CHD7: variants seen among roughly 807,000 people sequenced by gnomAD.
CHD7 encodes the protein ATP-dependent chromatin remodeler CHD7.
A neutral mutation model predicts 307.3 loss-of-function variants in CHD7; 24 were observed. The observed-to-expected ratio is 0.08, with a 90% CI of 0.06 to 0.11. The LOEUF (loss-of-function observed/expected upper bound fraction) is 0.11, where lower values mean the gene tolerates loss of function less well. Among genes scored for constraint, CHD7 ranks in the 10% least tolerant of loss-of-function variants. The probability of loss-of-function intolerance (pLI) is 1.00; values close to 1 mark genes in which losing one functional copy is unlikely to be tolerated. For missense variants in CHD7, 3,106 were observed against 3,727.1 expected, an observed-to-expected ratio of 0.83 and a Z score of 4.34; for synonymous variants, 1,363 against 1,349.9, an observed-to-expected ratio of 1.01 and a Z score of -0.21.
At chr8:60,711,392 C>T (rs562186936) in intron 1 of CHD7, among the ~76,000 whole-genome samples, 5 of 152,210 alleles carry the variant, frequency 3.3e-5, no homozygotes, top group African/African-American at 9.6e-5. Flanking sequence ...TACAGCTTGG[C>T]GGCCTACTGA....
At chr8:60,777,675 A>G (rs1052313126) in intron 2 of CHD7, among the ~76,000 whole-genome samples, 1 of 152,170 alleles carries the variant, frequency 6.6e-6, no homozygotes, top group Non-Finnish European at 1.5e-5. Context: ...TTTCTGATTT[A>G]TATGTTGTGA....
chr8:60,719,721 G>A (rs1298717608), intron 1 of CHD7, among the ~76,000 whole-genome samples: 4 of 152,140 alleles, frequency 2.6e-5, no homozygotes, highest in Non-Finnish European at 5.9e-5. Context: ...TCCAGTGAGC[G>A]CTGTGAAGGA....
chr8:60,789,283 G>C (rs1811656739), intron 3 of CHD7, among the ~76,000 whole-genome samples: 1 of 152,104 alleles, frequency 6.6e-6, no homozygotes, highest in African/African-American at 2.4e-5. Flanking sequence ...TTATCCATTA[G>C]GTTCATTTCT....
intron 2 of CHD7, among the ~76,000 whole-genome samples, chr8:60,748,230 G>A (rs1364536146): frequency 1.3e-5 from 2 of 152,184 alleles, no homozygotes; most frequent in East Asian, 1.9e-4. Flanking sequence ...TCTGGGGGCA[G>A]TGATGTCTTT....
At chr8:60,849,278 C>G in intron 25 of CHD7, 124 bp downstream of exon 25, 1 of 548,510 alleles carries the variant, frequency 1.8e-6, no homozygotes, top group Non-Finnish European at 3.2e-6. Flanking sequence ...CTCTTGGCGT[C>G]TACCATTTTT....
chr8:60,840,972 A>C (rs1340283816), intron 19 of CHD7, among the ~76,000 whole-genome samples: 1 of 152,156 alleles, frequency 6.6e-6, no homozygotes, highest in Non-Finnish European at 1.5e-5. Context: ...TTTCTTCTGT[A>C]AATTATTACA....
At chr8:60,718,285 T>C (rs1282275648) in intron 1 of CHD7, among the ~76,000 whole-genome samples, 1 of 152,200 alleles carries the variant, frequency 6.6e-6, no homozygotes, top group Non-Finnish European at 1.5e-5. Context: ...GAGACCAGCC[T>C]GGCCAACATG....
intron 3 of CHD7, among the ~76,000 whole-genome samples, chr8:60,790,332 C>T (rs1192081925): frequency 6.6e-6 from 1 of 152,142 alleles, no homozygotes; most frequent in African/African-American, 2.4e-5. Context: ...CTTCTCTAGC[C>T]TCAGGAGGGA....
chr8:60,813,913 G>C (rs575851186), intron 7 of CHD7, among the ~76,000 whole-genome samples: 2 of 151,958 alleles, frequency 1.3e-5, no homozygotes, highest in African/African-American at 4.8e-5. Context: ...TAACTGTCAA[G>C]ATTAGGTATA....
rs1809066786 is a variant in CHD7 at position 60,742,174 on chromosome 8, T to A, written c.742T>A (p.Ser248Thr). 6.2e-7 allele frequency: 1 copy of A among 1,613,806 alleles called. No homozygotes were observed. Among genetic ancestry groups the A allele is most frequent in the Non-Finnish European group, 8.5e-7 (1 of 1,179,888 alleles). ...VPQQSPSMAP[S>T]LRHSVQQFHH... ...CCAGCAGAGTCCCAGCATGGCACCT[T>A]CCTTGCGTCACTCGGTGCAGCAGTT... The change falls in exon 2 of 38, where the codon TCC becomes ACC. Residue 248 changes from serine (S) to threonine (T), a missense_variant. Coordinates refer to ENST00000423902, the MANE Select transcript of CHD7 (RefSeq NM_017780.4).
At chr8:60,805,168 C>G (rs1436479248) in intron 6 of CHD7, among the ~76,000 whole-genome samples, 2 of 152,136 alleles carry the variant, frequency 1.3e-5, no homozygotes, top group Non-Finnish European at 2.9e-5. Flanking sequence ...AGAGGCTGGT[C>G]AAACTGCCTC....
intron 5 of CHD7, 44 bp downstream of exon 5, chr8:60,800,569 G>GGACTTT (rs1160599896): frequency 6.4e-7 from 1 of 1,563,752 alleles, no homozygotes; most frequent in Non-Finnish European, 8.7e-7. Flanking sequence ...TTTTAAAGAT[G>GGACTTT]GACTAGAAAT....
Position 60,748,498 on chromosome 8 carries a change from C to T in CHD7, c.1665+5401C>T, listed in dbSNP as rs576417570. The stretch of plus-strand genomic sequence containing the variant: ...GGGCTCTTTGCAGCACCCAGGAGTA[C>T]GAAGAGGGTGGAGAGGGGGTGGAAC... On this transcript the variant is annotated intron_variant, in intron 2 of 37. Coordinates refer to ENST00000423902, the MANE Select transcript of CHD7 (RefSeq NM_017780.4). 2.0e-5 allele frequency among the ~76,000 whole-genome samples: 3 copies of T among 151,944 alleles called. No individual in the cohort carries two copies. In the East Asian group the frequency reaches 5.8e-4, roughly 29 times the overall value.
intron 1 of CHD7, among the ~76,000 whole-genome samples, chr8:60,714,301 G>A (rs1417359330): frequency 6.6e-6 from 1 of 151,620 alleles, no homozygotes; most frequent in East Asian, 2.0e-4. Context: ...CGGGGCGCTC[G>A]CTTCACCTCA....
intron 15 of CHD7, among the ~76,000 whole-genome samples, chr8:60,834,446 C>G (rs1201425036): frequency 6.6e-6 from 1 of 152,108 alleles, no homozygotes; most frequent in Non-Finnish European, 1.5e-5. Context: ...AATCTGTTTC[C>G]CCTGTCTCTT....
Position 60,773,817 on chromosome 8 carries a change from T to G in CHD7, c.1666-7183T>G, listed in dbSNP as rs117308062. 5.5e-4 allele frequency among the ~76,000 whole-genome samples: 83 copies of G among 152,292 alleles called. No individual in the cohort carries two copies. In the East Asian group the frequency reaches 0.013, roughly 24 times the overall value. ...TTTTGAGAATCATAGTGGATAATGT[T>G]TGTTGGCTGCAAAACACAATAAGAA... On this transcript the variant is annotated intron_variant, in intron 2 of 37. Coordinates refer to ENST00000423902, the MANE Select transcript of CHD7 (RefSeq NM_017780.4).
intron 7 of CHD7, chr8:60,809,695 GAAAA>G (rs1206696437): frequency 4.8e-4 from 49 of 102,092 alleles, no homozygotes; most frequent in African/African-American, 2.0e-3. Context: ...AAAAAAAAAA[GAAAA>G]AAAAGGTTTT....
rs149422663 is a variant in CHD7, at chr8:60,830,890, C to A, written c.3778+313C>A. Among the ~76,000 whole-genome samples the A allele has an allele frequency of 4.8e-3, 724 of 152,246 alleles. 3 individuals are homozygous for A. The highest frequency in any genetic ancestry group is 7.2e-3 in the Non-Finnish European group (488 of 68,020). ...GTGCTAACAGCCAAAGAGAAATGAG[C>A]CCCTAATGGAGGTTTTCTTGGGGTG... is the stretch of plus-strand genomic sequence containing the variant. On this transcript the variant is annotated intron_variant, in intron 15 of 37. Coordinates refer to ENST00000423902, the MANE Select transcript of CHD7 (RefSeq NM_017780.4).
At chr8:60,723,903 G>A (rs1425777211) in intron 1 of CHD7, among the ~76,000 whole-genome samples, 2 of 152,184 alleles carry the variant, frequency 1.3e-5, no homozygotes, top group Non-Finnish European at 2.9e-5. Context: ...TAGCAATTTA[G>A]GATATTTATC....
Sources: allele counts gnomAD v4.1 joint callset (sites outside exome capture counted in the v4.1 genomes callset), GRCh38; gene constraint gnomAD v4.1.1; transcripts MANE v1.5; gene names NCBI Gene and HGNC (gene_info 2026-07-23, HGNC 2026-07-21).